DLG2: variants seen among roughly 807,000 people sequenced by gnomAD.
DLG2 encodes discs large MAGUK scaffold protein 2.
In DLG2, 45 loss-of-function variants were observed where a neutral mutation model predicts 132.5. That is an observed-to-expected ratio of 0.34 (90% CI 0.27 to 0.44). The LOEUF is 0.44. DLG2 is among the 20% of genes least tolerant of loss of function. The pLI is 1.00. For synonymous variants in DLG2, 424 were observed against 419.6 expected, an observed-to-expected ratio of 1.01 and a Z score of -0.13; for missense variants, 1,045 against 1,196.9, an observed-to-expected ratio of 0.87 and a Z score of 1.87.
intron 16 of DLG2, among the ~76,000 whole-genome samples, chr11:83,859,741 A>T (rs2061135696): frequency 6.6e-6 from 1 of 152,208 alleles, no homozygotes; most frequent in Non-Finnish European, 1.5e-5. Context: ...AAAATGTGGA[A>T]AATGTCTCCA....
chr11:85,100,652 C>T (rs1325990843), intron 6 of DLG2, among the ~76,000 whole-genome samples: 1 of 152,124 alleles, frequency 6.6e-6, no homozygotes, highest in African/African-American at 2.4e-5. Flanking sequence ...GGCAAATCTC[C>T]TTGCACATAT....
At chr11:84,926,682 A>T (rs369978906) in intron 6 of DLG2, among the ~76,000 whole-genome samples, 2 of 151,934 alleles carry the variant, frequency 1.3e-5, no homozygotes, top group East Asian at 3.9e-4. Flanking sequence ...TTATACCTCT[A>T]TACTATAGGA....
chr11:84,055,499 T>G (rs1338919654), intron 11 of DLG2, among the ~76,000 whole-genome samples: 1 of 152,124 alleles, frequency 6.6e-6, no homozygotes, highest in African/African-American at 2.4e-5. Context: ...GATCTGGCCC[T>G]TGCTCATCTC....
intron 3 of DLG2, among the ~76,000 whole-genome samples, chr11:85,474,568 A>G (rs992749353): frequency 6.6e-6 from 1 of 151,946 alleles, no homozygotes; most frequent in Non-Finnish European, 1.5e-5. Context: ...GAAATATATC[A>G]AGAAAAAGAC....
At chr11:85,386,758 T>A (rs183196609) in intron 3 of DLG2, among the ~76,000 whole-genome samples, 1 of 146,870 alleles carries the variant, frequency 6.8e-6, no homozygotes, top group Admixed American at 6.9e-5. Context: ...ACAGAGAAGA[T>A]GTTTAATAAA....
intron 3 of DLG2, among the ~76,000 whole-genome samples, chr11:85,589,837 C>T (rs1175298373): frequency 6.6e-6 from 1 of 152,080 alleles, no homozygotes; most frequent in Non-Finnish European, 1.5e-5. Flanking sequence ...TCCCCCATGA[C>T]TCCTCCTCTC....
chr11:84,361,958 T>C (rs1334370769), intron 7 of DLG2, among the ~76,000 whole-genome samples: 1 of 151,794 alleles, frequency 6.6e-6, no homozygotes, highest in East Asian at 1.9e-4. Context: ...AAGGCTCAAC[T>C]CAAAAGCAAT....
In DLG2 at chr11:83,472,767, T is replaced by G. The variant is rs762157918; in HGVS notation, c.2304A>C (p.Glu768Asp). The change falls in exon 23 of 28, where the codon GAA (glutamate) becomes GAC (aspartate). Residue 768 changes from glutamate (E) to aspartate (D), a missense_variant. By Grantham distance (45) the Glu-to-Asp change is conservative. Coordinates refer to ENST00000376104, the MANE Select transcript of DLG2 (RefSeq NM_001142699.3). ...CAGGCTCATAGGAAAGAATGAGGTC[T>G]TCTTGTCCTCCTGAGAAGAGAAGGA... ...QETSDPERGQ[E>D]DLILSYEPVT... The G allele has an allele frequency of 1.2e-5, 20 of 1,612,094 alleles. No homozygotes were observed. In the Admixed American group the frequency reaches 1.3e-4, roughly 11 times the overall value.
chr11:83,726,861 C>T (rs939732235), intron 18 of DLG2, among the ~76,000 whole-genome samples: 4 of 152,168 alleles, frequency 2.6e-5, no homozygotes, highest in African/African-American at 9.7e-5. Flanking sequence ...CTTTTGGCTC[C>T]TAGAAAGACA....
At chr11:84,764,330 T>G (rs1162384704) in intron 6 of DLG2, among the ~76,000 whole-genome samples, 2 of 152,164 alleles carry the variant, frequency 1.3e-5, no homozygotes, top group East Asian at 3.9e-4. Context: ...AAATAAGTAC[T>G]TATTCTTCCA....
At chr11:85,482,803 C>T (rs1401184384) in intron 3 of DLG2, among the ~76,000 whole-genome samples, 1 of 152,126 alleles carries the variant, frequency 6.6e-6, no homozygotes, top group Non-Finnish European at 1.5e-5. Context: ...ACCCAGAGTC[C>T]AGACCTGTTC....
chr11:84,720,063 C>A (rs2061632329), intron 6 of DLG2, among the ~76,000 whole-genome samples: 1 of 152,100 alleles, frequency 6.6e-6, no homozygotes. Context: ...CTCTTGTAGC[C>A]TCTGTATGTT....
intron 18 of DLG2, among the ~76,000 whole-genome samples, chr11:83,775,695 T>C (rs887366994): frequency 2.6e-5 from 4 of 151,468 alleles, no homozygotes; most frequent in African/African-American, 7.3e-5. Flanking sequence ...ACAGAGTTTA[T>C]ATAAAATAAG....
At chr11:85,217,825 C>T (rs1471353879) in intron 4 of DLG2, among the ~76,000 whole-genome samples, 1 of 152,168 alleles carries the variant, frequency 6.6e-6, no homozygotes, top group Non-Finnish European at 1.5e-5. Flanking sequence ...CTTTTGTGGA[C>T]TTTGTCAAAA....
chr11:85,431,971 T>C (rs1281344816), intron 3 of DLG2, among the ~76,000 whole-genome samples: 1 of 152,200 alleles, frequency 6.6e-6, no homozygotes, highest in Non-Finnish European at 1.5e-5. Flanking sequence ...CAGGCATCCA[T>C]CTTTGCTGTT....
At chr11:84,597,002 C>A (rs936145747) in intron 6 of DLG2, among the ~76,000 whole-genome samples, 3 of 152,102 alleles carry the variant, frequency 2.0e-5, no homozygotes, top group African/African-American at 7.2e-5. Flanking sequence ...GGGCGGATCA[C>A]CTGAGGTCAG....
chr11:85,167,531 T>C (rs1223448425), intron 4 of DLG2, among the ~76,000 whole-genome samples: 2 of 152,078 alleles, frequency 1.3e-5, no homozygotes, highest in African/African-American at 2.4e-5. Flanking sequence ...ACCCTCCTAA[T>C]ACCCAGAGGG....
intron 7 of DLG2, among the ~76,000 whole-genome samples, chr11:84,494,499 A>G (rs1336348636): frequency 6.6e-6 from 1 of 152,176 alleles, no homozygotes; most frequent in African/African-American, 2.4e-5. Context: ...GAGCATGTTC[A>G]TGAAAACTGA....
intron 6 of DLG2, among the ~76,000 whole-genome samples, chr11:84,771,555 G>A (rs536258933): frequency 5.5e-4 from 84 of 152,158 alleles, no homozygotes; most frequent in African/African-American, 2.0e-3. Flanking sequence ...TTCCCATTCT[G>A]TAGTAAACCT....
Sources: gnomAD v4.1 joint callset for allele counts (sites outside exome capture counted in the v4.1 genomes callset) on GRCh38, gnomAD v4.1.1 for gene constraint, MANE v1.5 for transcripts, NCBI Gene and HGNC (gene_info 2026-07-23, HGNC 2026-07-21) for gene names.